ZBTB7C: variants seen among roughly 807,000 people sequenced by gnomAD.
The protein encoded by ZBTB7C is zinc finger and BTB domain containing 7C.
In ZBTB7C, 8 loss-of-function variants were observed where a neutral mutation model predicts 25.7. The observed-to-expected ratio is 0.31, with a 90% CI of 0.18 to 0.56. ZBTB7C has a LOEUF of 0.56. Among genes scored for constraint, ZBTB7C ranks in the 20% least tolerant of loss-of-function variants. The probability of loss-of-function intolerance (pLI) is 0.91; values close to 1 mark genes in which losing one functional copy is unlikely to be tolerated. For synonymous variants in ZBTB7C, 394 were observed against 369.0 expected (o/e 1.07, Z -0.78); for missense variants, 824 against 855.2 (o/e 0.96, Z 0.46).
chr18:48,245,307 C>T (rs1466092145), intron 2 of ZBTB7C, among the ~76,000 whole-genome samples: 1 of 150,800 alleles, frequency 6.6e-6, no homozygotes, highest in African/African-American at 2.4e-5. Flanking sequence ...ATACAATGGA[C>T]TCTGGGGACT....
intron 3 of ZBTB7C, among the ~76,000 whole-genome samples, chr18:48,096,226 T>C (rs1352922326): frequency 6.6e-6 from 1 of 152,096 alleles, no homozygotes; most frequent in Non-Finnish European, 1.5e-5. Context: ...AAAATAGGCA[T>C]TGGGGCTTTT....
intron 3 of ZBTB7C, among the ~76,000 whole-genome samples, chr18:48,166,897 C>T (rs114462952): frequency 0.013 from 1,920 of 152,112 alleles, 20 homozygotes; most frequent in Non-Finnish European, 0.017. Flanking sequence ...TCCTTACTGG[C>T]GGGGGGGAAG....
rs2043063337 is a variant in ZBTB7C, at chr18:48,225,409, GCA to G, written c.-78-39416_-78-39415del. Among the ~76,000 whole-genome samples the G allele has an allele frequency of 2.6e-5, 4 of 152,132 alleles. No individual in the cohort carries two copies. In the South Asian group the frequency reaches 8.3e-4, roughly 32 times the overall value. ...AGAGGGAGAGGAAGAGAATGAACAA[GCA>G]CAGTGACCCAAGACCCATGGAAACT... On this transcript the variant is annotated intron_variant, in intron 2 of 4. Transcript: ENST00000590800.
At chr18:48,066,316 T>C (rs1301717856) in intron 3 of ZBTB7C, among the ~76,000 whole-genome samples, 1 of 152,222 alleles carries the variant, frequency 6.6e-6, no homozygotes, top group East Asian at 1.9e-4. Flanking sequence ...TCAGAGGATC[T>C]GTACACCCCA....
intron 1 of ZBTB7C, among the ~76,000 whole-genome samples, chr18:48,345,081 G>T (rs547635149): frequency 3.3e-5 from 5 of 152,334 alleles, no homozygotes; most frequent in African/African-American, 1.2e-4. Context: ...AAGCAACCCA[G>T]ATTCTGTTTT....
chr18:48,239,972 T>A (rs550110575), intron 2 of ZBTB7C, among the ~76,000 whole-genome samples: 1 of 151,508 alleles, frequency 6.6e-6, no homozygotes, highest in Non-Finnish European at 1.5e-5. Context: ...AAAAATAATA[T>A]AAGATATGGA....
chr18:48,045,441 G>A (rs576673815), intron 3 of ZBTB7C, among the ~76,000 whole-genome samples: 2 of 152,336 alleles, frequency 1.3e-5, no homozygotes, highest in South Asian at 4.1e-4. Flanking sequence ...CACTTTCTGA[G>A]CACAGCTGAG....
At chr18:48,107,597 G>C (rs13381464) in intron 3 of ZBTB7C, among the ~76,000 whole-genome samples, 2 of 151,978 alleles carry the variant, frequency 1.3e-5, no homozygotes, top group African/African-American at 4.8e-5. Flanking sequence ...AGATAAGAAG[G>C]CTTGGATGGA....
Position 48,332,336 on chromosome 18 carries a change from C to T in ZBTB7C, c.-79+5838G>A, listed in dbSNP as rs182939270. Among the ~76,000 whole-genome samples, 295 of 152,344 alleles carry T rather than the reference C, an allele frequency of 1.9e-3. 9 individuals carry two copies. Among genetic ancestry groups the T allele is most frequent in the Admixed American group, 0.019 (294 of 15,300 alleles). On this transcript the variant is annotated intron_variant, in intron 2 of 4. Coordinates refer to ENST00000590800, the MANE Select transcript of ZBTB7C (RefSeq NM_001318841.2). ...TAGAAATTGGTAGTTAGAGCTATCA[C>T]TTTATCAGCATTAGCTTCAGCCTCA...
intron 2 of ZBTB7C, among the ~76,000 whole-genome samples, chr18:48,197,967 G>A (rs2042354678): frequency 6.6e-6 from 1 of 152,122 alleles, no homozygotes; most frequent in African/African-American, 2.4e-5. Flanking sequence ...TCTGTTCCCT[G>A]TATCTTCCTG....
intron 3 of ZBTB7C, among the ~76,000 whole-genome samples, chr18:48,153,393 C>T (rs1255243593): frequency 6.6e-6 from 1 of 152,108 alleles, no homozygotes. Flanking sequence ...CTAGATTGCA[C>T]CCACTCTCTT....
At chr18:48,407,796 G>A (rs775125269) in intron 1 of ZBTB7C, among the ~76,000 whole-genome samples, 1 of 152,180 alleles carries the variant, frequency 6.6e-6, no homozygotes, top group Non-Finnish European at 1.5e-5. Context: ...GGACCAAGGA[G>A]AATGAAGGAC....
chr18:48,325,541 G>A (rs571334850), intron 2 of ZBTB7C, among the ~76,000 whole-genome samples: 1 of 152,298 alleles, frequency 6.6e-6, no homozygotes, highest in South Asian at 2.1e-4. Context: ...GTGCACATGG[G>A]CATCATTTTA....
chr18:48,201,661 T>C (rs903183954), intron 2 of ZBTB7C, among the ~76,000 whole-genome samples: 4 of 152,202 alleles, frequency 2.6e-5, no homozygotes, highest in Non-Finnish European at 1.5e-5. Flanking sequence ...CCACCCCAGG[T>C]GCCTCTTGCT....
At chr18:48,108,786 G>A (rs1357690554) in intron 3 of ZBTB7C, among the ~76,000 whole-genome samples, 2 of 152,032 alleles carry the variant, frequency 1.3e-5, no homozygotes, top group Admixed American at 6.6e-5. Context: ...TGTGGGACGG[G>A]CCTTCTGGGG....
intron 2 of ZBTB7C, among the ~76,000 whole-genome samples, chr18:48,200,543 T>C (rs937521896): frequency 1.2e-4 from 19 of 152,188 alleles, no homozygotes; most frequent in African/African-American, 4.6e-4. Flanking sequence ...AGAGGCCAGT[T>C]GCTAGCCTGT....
intron 3 of ZBTB7C, among the ~76,000 whole-genome samples, chr18:48,137,565 A>G (rs977212185): frequency 6.6e-6 from 1 of 152,246 alleles, no homozygotes; most frequent in African/African-American, 2.4e-5. Context: ...CCTAAGCCCA[A>G]TAAAATTACT....
At chr18:48,156,367 C>T (rs2040841586) in intron 3 of ZBTB7C, among the ~76,000 whole-genome samples, 1 of 141,512 alleles carries the variant, frequency 7.1e-6, no homozygotes, top group South Asian at 2.1e-4. Flanking sequence ...CTTCACTAAC[C>T]CACAATGCGC....
At chr18:48,115,564 CACAA>C (rs1425590272) in intron 3 of ZBTB7C, among the ~76,000 whole-genome samples, 2 of 152,174 alleles carry the variant, frequency 1.3e-5, no homozygotes, top group African/African-American at 4.8e-5. Context: ...CACACACACA[CACAA>C]ACACACACAC....
Sources: gnomAD v4.1 joint callset for allele counts (sites outside exome capture counted in the v4.1 genomes callset) on GRCh38, gnomAD v4.1.1 for gene constraint, MANE v1.5 for transcripts, NCBI Gene and HGNC (gene_info 2026-07-23, HGNC 2026-07-21) for gene names.